Variants in ATP2B4 observed in about 807,000 individuals in gnomAD.
ATP2B4 encodes the protein plasma membrane calcium-transporting ATPase 4.
In ATP2B4, 39 loss-of-function variants were observed where a neutral mutation model predicts 110.3. That is an observed-to-expected ratio of 0.35 (90% CI 0.27 to 0.46). The LOEUF (loss-of-function observed/expected upper bound fraction) is 0.46, where lower values mean the gene tolerates loss of function less well. Among genes scored for constraint, ATP2B4 ranks in the 20% least tolerant of loss-of-function variants. The probability of loss-of-function intolerance (pLI) is 1.00; values close to 1 mark genes in which losing one functional copy is unlikely to be tolerated. For synonymous variants in ATP2B4, 538 were observed against 571.7 expected (o/e 0.94, Z 0.84); for missense variants, 1,135 against 1,530.9 (o/e 0.74, Z 4.32).
chr1:203,691,040 A>T (rs1007857483), intron 2 of ATP2B4, among the ~76,000 whole-genome samples: 6 of 152,146 alleles, frequency 3.9e-5, no homozygotes, highest in African/African-American at 1.4e-4. Context: ...TTTTCTACTT[A>T]GCCCTCCTTG....
At chr1:203,661,776 C>T (rs1664344964) in intron 1 of ATP2B4, among the ~76,000 whole-genome samples, 1 of 151,960 alleles carries the variant, frequency 6.6e-6, no homozygotes, top group Admixed American at 6.6e-5. Context: ...TCTGTGTGGG[C>T]TCCCAGCCCT....
rs1665988152 is a variant in ATP2B4, at chr1:203,710,902, G to A, written c.1825G>A (p.Gly609Arg). 3 of 1,613,784 alleles carry A rather than the reference G, an allele frequency of 1.9e-6. 1 individual carries two copies. The South Asian group carries it at 3.3e-5, about 18-fold the overall frequency. ...GTGTAATCGAATCCTGGACCGGAAAGGGGAAGCAGTGCCATTCAAGAATAA... is the reference window on the plus strand; with the variant it reads ...GTGTAATCGAATCCTGGACCGGAAAAGGGAAGCAGTGCCATTCAAGAATAA... The part of the protein sequence containing the change: ...RKCNRILDRK[G>R]EAVPFKNKDR... Residue 609 changes from glycine to arginine, a missense_variant, in exon 12 of 21, where the codon GGG (glycine) becomes AGG (arginine). By Grantham distance (125) the Gly-to-Arg change is moderately radical. Transcript: ENST00000357681.
chr1:203,676,136 T>C (rs561356389), intron 1 of ATP2B4, among the ~76,000 whole-genome samples: 36 of 152,304 alleles, frequency 2.4e-4, no homozygotes, highest in African/African-American at 7.0e-4. Flanking sequence ...CGGATGATGA[T>C]GACAAGTGGT....
At chr1:203,647,959 C>T (rs1388318615) in intron 1 of ATP2B4, among the ~76,000 whole-genome samples, 2 of 152,058 alleles carry the variant, frequency 1.3e-5, no homozygotes, top group African/African-American at 4.8e-5. Context: ...GTCTGGATCT[C>T]ACATGAAGGT....
intron 18 of ATP2B4, among the ~76,000 whole-genome samples, chr1:203,723,068 TCCCTG>T (rs1666384474): frequency 6.6e-6 from 1 of 152,150 alleles, no homozygotes; most frequent in Admixed American, 6.6e-5. Context: ...ACTCTCCCTG[TCCCTG>T]CCCTTTGTTC....
At chr1:203,683,756 C>T (rs924998198) in intron 2 of ATP2B4, among the ~76,000 whole-genome samples, 1 of 144,214 alleles carries the variant, frequency 6.9e-6, no homozygotes, top group Non-Finnish European at 1.5e-5. Context: ...TCACTGCAGC[C>T]TCAACCTCCT....
At position 203,711,978 on chromosome 1, in the gene ATP2B4, A is replaced by G. The variant is rs1257967349; in HGVS notation, c.2050A>G (p.Lys684Glu). The change falls in exon 13 of 21, where the codon AAA (lysine) becomes GAA (glutamate). Residue 684 changes from lysine to glutamate, a missense_variant. Lys to Glu is a moderately conservative substitution (Grantham distance 56, BLOSUM62 1). Transcript: ENST00000357681. The part of the protein sequence containing the change: ...VRPEVPDAIA[K>E]CKQAGITVRM... The stretch of plus-strand genomic sequence containing the variant: ...TCCATAGGTGCCAGATGCTATTGCC[A>G]AATGCAAACAAGCTGGCATTACTGT... 5 of 1,614,008 alleles carry G rather than the reference A, an allele frequency of 3.1e-6. No individual in the cohort carries two copies. Among genetic ancestry groups the G allele is most frequent in the Non-Finnish European group, 3.4e-6 (4 of 1,179,996 alleles).
At position 203,699,600 on chromosome 1, in the gene ATP2B4, C is replaced by T. The variant is rs759843418; in HGVS notation, c.532C>T (p.Arg178Trp). 9 of 1,613,992 alleles carry T rather than the reference C, an allele frequency of 5.6e-6. No individual in the cohort carries two copies. Among genetic ancestry groups the T allele is most frequent in the Admixed American group, 1.7e-5 (1 of 59,996 alleles). Reference sequence around the variant, plus strand: ...TGATTGGAGCAAAGAGAAGCAATTCCGGGGGCTGCAGTGCCGCATTGAACA... The same window carrying T: ...TGATTGGAGCAAAGAGAAGCAATTCTGGGGGCTGCAGTGCCGCATTGAACA... Reference protein sequence around the residue: ...FNDWSKEKQFRGLQCRIEQEQ... With the variant: ...FNDWSKEKQFWGLQCRIEQEQ... The change falls in exon 4 of 21, where the codon CGG becomes TGG. Residue 178 changes from arginine (R) to tryptophan (W), a missense_variant. Arg to Trp is a moderately radical substitution (Grantham distance 101). Transcript: ENST00000357681.
At position 203,629,069 on chromosome 1, in the gene ATP2B4, A is replaced by G. The variant is rs1663177348; in HGVS notation, c.-465+1850A>G. Among the ~76,000 whole-genome samples, 1 of 152,148 alleles carries G rather than the reference A, an allele frequency of 6.6e-6. No homozygotes were observed. The highest frequency in any genetic ancestry group is 1.5e-5 in the Non-Finnish European group (1 of 68,026). On this transcript the variant is annotated intron_variant, in intron 1 of 20. Coordinates refer to ENST00000357681, the MANE Select transcript of ATP2B4 (RefSeq NM_001684.5). The surrounding 1 kb of genome is among the most constrained non-coding windows in gnomAD (Gnocchi z 4.6). ...ACAGCTGAGACACTGCGGGAGAAGG[A>G]AGTAAAACACTTAGAGGAGAGCTCA... is the stretch of plus-strand genomic sequence containing the variant.
intron 1 of ATP2B4, among the ~76,000 whole-genome samples, chr1:203,651,492 A>G (rs1333730823): frequency 6.6e-6 from 1 of 152,046 alleles, no homozygotes; most frequent in African/African-American, 2.4e-5. Flanking sequence ...CCACCTCATC[A>G]CCCAGCCAAA....
At chr1:203,670,754 A>G (rs761940294) in intron 1 of ATP2B4, among the ~76,000 whole-genome samples, 1 of 152,176 alleles carries the variant, frequency 6.6e-6, no homozygotes, top group Non-Finnish European at 1.5e-5. Context: ...GATTTCTCCA[A>G]CAAGAGCTTA....
At chr1:203,673,468 C>T (rs1274488859) in intron 1 of ATP2B4, among the ~76,000 whole-genome samples, 4 of 152,226 alleles carry the variant, frequency 2.6e-5, no homozygotes, top group African/African-American at 4.8e-5. Context: ...AGGTTATTAG[C>T]GATCATTCCT....
chr1:203,656,183 T>G (rs914918711), intron 1 of ATP2B4, among the ~76,000 whole-genome samples: 1 of 152,118 alleles, frequency 6.6e-6, no homozygotes, highest in African/African-American at 2.4e-5. Context: ...CACCTTACTT[T>G]TTTATGTCAT....
chr1:203,728,687 G>A (rs1666596881), intron 20 of ATP2B4, among the ~76,000 whole-genome samples: 3 of 151,978 alleles, frequency 2.0e-5, no homozygotes, highest in South Asian at 2.1e-4. Flanking sequence ...GAGAAACCGC[G>A]TCTCTACTAA....
chr1:203,706,535 A>G (rs1665854010), intron 8 of ATP2B4, among the ~76,000 whole-genome samples: 1 of 152,246 alleles, frequency 6.6e-6, no homozygotes, highest in Admixed American at 6.5e-5. Flanking sequence ...GCATTGTTGT[A>G]AACAAGGTGT....
chr1:203,732,598 T>C (rs1292777113), intron 20 of ATP2B4, among the ~76,000 whole-genome samples: 3 of 152,280 alleles, frequency 2.0e-5, no homozygotes, highest in African/African-American at 7.2e-5. Context: ...ACATGAGTTA[T>C]TTTCCTGGAA....
chr1:203,710,884 C>A lies in ATP2B4; in HGVS notation c.1807C>A (p.Arg603=), dbSNP rs368628755. Reference sequence around the variant, plus strand: ...TACTGTGCGCCTCCCCAGGTGTAATCGAATCCTGGACCGGAAAGGGGAAGC... The same window carrying A: ...TACTGTGCGCCTCCCCAGGTGTAATAGAATCCTGGACCGGAAAGGGGAAGC... ...ASEIILRKCN[R]ILDRKGEAVP... Residue 603 remains arginine, a synonymous_variant, in exon 12 of 21, where the codon CGA becomes AGA. Coordinates refer to ENST00000357681, the MANE Select transcript of ATP2B4 (RefSeq NM_001684.5). 3.1e-6 allele frequency: 5 copies of A among 1,611,860 alleles called. No individual in the cohort carries two copies. The highest frequency in any genetic ancestry group is 1.1e-5 in the South Asian group (1 of 90,694).
At chr1:203,737,855 A>C (rs1345218213) in intron 20 of ATP2B4, among the ~76,000 whole-genome samples, 3 of 152,108 alleles carry the variant, frequency 2.0e-5, no homozygotes, top group Non-Finnish European at 4.4e-5. Context: ...GGACGAGATA[A>C]AGAAAGCCTT....
chr1:203,709,532 A>G lies in ATP2B4; in HGVS notation c.1789A>G (p.Ile597Val), dbSNP rs1665945253. Reference sequence around the variant, plus strand: ...GTACAGCAAGGGCGCCTCTGAGATCATCTTGCGCAAGTGAGCACCCCCGAC... The same window carrying G: ...GTACAGCAAGGGCGCCTCTGAGATCGTCTTGCGCAAGTGAGCACCCCCGAC... ...RMYSKGASEI[I>V]LRKCNRILDR... Residue 597 changes from isoleucine to valine, a missense_variant, in exon 11 of 21, where the codon ATC (isoleucine) becomes GTC (valine). Physicochemically the swap from Ile to Val is conservative, Grantham distance 29. Transcript: ENST00000357681. 1.9e-6 allele frequency: 3 copies of G among 1,614,178 alleles called. No individual in the cohort carries two copies. Among genetic ancestry groups the G allele is most frequent in the Non-Finnish European group, 8.5e-7 (1 of 1,180,030 alleles).
Sources: gnomAD v4.1 joint callset for allele counts (sites outside exome capture counted in the v4.1 genomes callset) on GRCh38, gnomAD v4.1.1 for gene constraint, Gnocchi (gnomAD v3.1) non-coding constraint, MANE v1.5 for transcripts, NCBI Gene and HGNC (gene_info 2026-07-23, HGNC 2026-07-21) for gene names.